PCDHGA3: variants seen among roughly 807,000 people sequenced by gnomAD.
The protein encoded by PCDHGA3 is protocadherin gamma-A3.
PCDHGA3 carries 40 observed loss-of-function variants against 58.5 expected under a neutral mutation model. The observed-to-expected ratio is 0.68, with a 90% CI of 0.53 to 0.89. The LOEUF (loss-of-function observed/expected upper bound fraction) is 0.89. PCDHGA3 is among the 40% of genes least tolerant of loss of function. The pLI is 0.00. For synonymous variants in PCDHGA3, 530 were observed against 525.7 expected (o/e 1.01, Z -0.11); for missense variants, 1,223 against 1,195.9 (o/e 1.02, Z -0.33).
intron 1 of PCDHGA3, chr5:141,441,038 G>T (rs1263659082): frequency 1.3e-5 from 2 of 152,156 alleles, no homozygotes; most frequent in Non-Finnish European, 2.9e-5. Flanking sequence ...AAAACTTTAA[G>T]TACATTGGAC....
intron 1 of PCDHGA3, chr5:141,389,407 A>C: frequency 6.2e-7 from 1 of 1,613,616 alleles, no homozygotes; most frequent in Non-Finnish European, 8.5e-7. Flanking sequence ...ATAAGCGCGG[A>C]GAGCGGGGTG....
chr5:141,409,725 G>A (rs1416188591), intron 1 of PCDHGA3: 1 of 1,613,172 alleles, frequency 6.2e-7, no homozygotes, highest in Non-Finnish European at 8.5e-7. Context: ...GTGTCAGTGA[G>A]CGCGCAGAGC....
At position 141,490,735 on chromosome 5, in the gene PCDHGA3, C is replaced by T; in HGVS notation, c.2425-4072C>T. The T allele has an allele frequency of 2.5e-6, 4 of 1,614,194 alleles. No individual in the cohort carries two copies. Among genetic ancestry groups the T allele is most frequent in the Non-Finnish European group, 2.5e-6 (3 of 1,180,018 alleles). ...CTACTCCATTGTAGGAAATCAGGTTCAGGGAGCCCCAGCCTCCTCCTTTGT... is the reference window on the plus strand; with the variant it reads ...CTACTCCATTGTAGGAAATCAGGTTTAGGGAGCCCCAGCCTCCTCCTTTGT... On this transcript the variant is annotated intron_variant, in intron 1 of 3. Transcript: ENST00000253812. This position sits in a 1 kb window ranked among gnomAD's most constrained non-coding sequence, Gnocchi z 5.4.
intron 1 of PCDHGA3, chr5:141,407,886 A>G (rs1390921977): frequency 2.6e-6 from 1 of 384,594 alleles, no homozygotes; most frequent in Non-Finnish European, 4.6e-6. Context: ...CATTTCGGAG[A>G]CCGAATTCAA....
In PCDHGA3 at chr5:141,370,973, G is replaced by T. The variant is rs763236238; in HGVS notation, c.2424+24516G>T. ...ACCTGGATGGCAGTAGGTACCCAGA[G>T]CTAGTACTGAAAGCACCCCTGGACA... is the stretch of plus-strand genomic sequence containing the variant. On this transcript the variant is annotated intron_variant, in intron 1 of 3. Coordinates refer to ENST00000253812, the MANE Select transcript of PCDHGA3 (RefSeq NM_018916.4). 9.3e-6 allele frequency: 15 copies of T among 1,614,010 alleles called. No individual in the cohort carries two copies. Among genetic ancestry groups the T allele is most frequent in the Admixed American group, 1.7e-5 (1 of 60,024 alleles).
In PCDHGA3 at chr5:141,419,316, G is replaced by A. The variant is rs775328616; in HGVS notation, c.2424+72859G>A. 1.1e-5 allele frequency: 18 copies of A among 1,613,994 alleles called. No individual in the cohort carries two copies. In the South Asian group the frequency reaches 1.8e-4, roughly 16 times the overall value. On this transcript the variant is annotated intron_variant, in intron 1 of 3. Coordinates refer to ENST00000253812, the MANE Select transcript of PCDHGA3 (RefSeq NM_018916.4). ...GACCCAGACTTCGGGCTCAACGGCC[G>A]TGTCTCCTACTCTCTCATTGCCAGC...
chr5:141,478,509 G>C, intron 1 of PCDHGA3: 1 of 1,611,878 alleles, frequency 6.2e-7, no homozygotes, highest in Non-Finnish European at 8.5e-7. Context: ...GTGTTCTATA[G>C]GCAGGTGTTG....
Position 141,423,964 on chromosome 5 carries a change from A to G in PCDHGA3, c.2425-70843A>G, listed in dbSNP as rs569611136. On this transcript the variant is annotated intron_variant, in intron 1 of 3. Coordinates refer to ENST00000253812, the MANE Select transcript of PCDHGA3 (RefSeq NM_018916.4). ...AGTTGAATTTTAGTATTATTTTTCT[A>G]TTATCAGTGTATGAGGCTCTCAATT... The G allele has an allele frequency of 5.2e-5, 61 of 1,163,648 alleles. 2 individuals carry two copies. In the South Asian group the frequency reaches 1.7e-3, roughly 32 times the overall value. 72.1% of individuals were successfully genotyped at this position (1,163,648 alleles called of 1,614,324 possible).
At chr5:141,395,126 C>G (rs1416844764) in intron 1 of PCDHGA3, 1 of 1,614,078 alleles carries the variant, frequency 6.2e-7, no homozygotes, top group East Asian at 2.2e-5. Flanking sequence ...TGATCTTTCC[C>G]CAGCCCAACT....
intron 1 of PCDHGA3, chr5:141,422,221 A>T (rs1267909650): frequency 1.3e-6 from 2 of 1,565,034 alleles, no homozygotes; most frequent in Admixed American, 4.0e-5. Context: ...CTTTACCACC[A>T]CGACGATGTT....
chr5:141,345,845 G>A lies in PCDHGA3; in HGVS notation c.1812G>A (p.Leu604=). Residue 604 remains leucine (L), a synonymous_variant, in exon 1 of 4, where the codon CTG becomes CTA. Coordinates refer to ENST00000253812, the MANE Select transcript of PCDHGA3 (RefSeq NM_018916.4). ...VDRDSGQNAW[L]SYRLLKASEP... is the part of the protein sequence containing the mutation. ...GAGACTCGGGCCAGAACGCCTGGCT[G>A]TCCTACCGCCTGCTCAAGGCCAGCG... The A allele has an allele frequency of 6.2e-7, 1 of 1,613,458 alleles. No individual in the cohort carries two copies. The highest frequency in any genetic ancestry group is 8.5e-7 in the Non-Finnish European group (1 of 1,179,962).
chr5:141,370,896 C>T, intron 1 of PCDHGA3: 1 of 1,614,040 alleles, frequency 6.2e-7, no homozygotes, highest in Non-Finnish European at 8.5e-7. Context: ...CAATTCGCTG[C>T]AGCAGTACTA....
chr5:141,372,258 C>T (rs762173867), intron 1 of PCDHGA3: 1 of 1,613,070 alleles, frequency 6.2e-7, no homozygotes, highest in African/African-American at 1.3e-5. Context: ...CCTGGGCCTG[C>T]GCACGGGTGA....
At chr5:141,488,273 C>A (rs1411817846) in intron 1 of PCDHGA3, among the ~76,000 whole-genome samples, 6 of 152,256 alleles carry the variant, frequency 3.9e-5, no homozygotes, top group East Asian at 1.9e-4. Flanking sequence ...TTGGTCATCA[C>A]CTTTGGAAAA....
Position 141,511,066 on chromosome 5 carries a change from C to T in PCDHGA3, c.2692C>T (p.Pro898Ser). Residue 898 changes from proline to serine, a missense_variant, in exon 4 of 4, where the codon CCA (proline) becomes TCA (serine). Physicochemically the swap from Pro to Ser is moderately conservative, Grantham distance 74. This residue lies in a region of PCDHGA3 where 325 missense variants were observed against 327.5 expected (regional missense o/e 0.99). Transcript: ENST00000253812. The part of the protein sequence containing the change: ...VPDYRQNVYI[P>S]GSNATLTNAA... ...CGACTACCGCCAGAATGTCTACATC[C>T]CAGGCAGCAATGCCACACTGACCAA... 1.2e-6 allele frequency: 2 copies of T among 1,614,230 alleles called. No individual in the cohort carries two copies. Among genetic ancestry groups the T allele is most frequent in the Non-Finnish European group, 1.7e-6 (2 of 1,180,036 alleles).
At chr5:141,449,101 G>A (rs1020443363) in intron 1 of PCDHGA3, among the ~76,000 whole-genome samples, 2 of 152,144 alleles carry the variant, frequency 1.3e-5, no homozygotes, top group African/African-American at 2.4e-5. Flanking sequence ...TACATATGCA[G>A]TATATCTTTG....
chr5:141,482,891 G>A (rs1594277958), intron 1 of PCDHGA3, among the ~76,000 whole-genome samples: 2 of 152,168 alleles, frequency 1.3e-5, no homozygotes, highest in East Asian at 3.8e-4. Flanking sequence ...GGCCAACATG[G>A]TGAAACCTCA....
At chr5:141,392,593 C>G (rs986653235) in intron 1 of PCDHGA3, 2 of 494,194 alleles carry the variant, frequency 4.0e-6, no homozygotes, top group Non-Finnish European at 7.1e-6. Context: ...CCGCTGTTCA[C>G]CTACTGGAAG....
chr5:141,344,177 C>T lies in PCDHGA3; in HGVS notation c.144C>T (p.Ile48=), dbSNP rs754808139. ...ELDKGSFVGN[I]ANDLGLEPRE... ...ATAAAGGTTCCTTCGTGGGCAACATCGCTAACGACCTGGGGCTAGAGCCCC... is the reference window on the plus strand; with the variant it reads ...ATAAAGGTTCCTTCGTGGGCAACATTGCTAACGACCTGGGGCTAGAGCCCC... The change falls in exon 1 of 4, where the codon ATC becomes ATT. Residue 48 remains isoleucine (I), a synonymous_variant. Transcript: ENST00000253812. 2 of 1,614,030 alleles carry T rather than the reference C, an allele frequency of 1.2e-6. No homozygotes were observed. Among genetic ancestry groups the T allele is most frequent in the South Asian group, 1.1e-5 (1 of 91,086 alleles).
Sources: gnomAD v4.1 joint callset for allele counts (sites outside exome capture counted in the v4.1 genomes callset) on GRCh38, gnomAD v4.1.1 for gene constraint, gnomAD v4.1.1 regional missense constraint, Gnocchi (gnomAD v3.1) non-coding constraint, MANE v1.5 for transcripts, NCBI Gene and HGNC (gene_info 2026-07-23, HGNC 2026-07-21) for gene names.